Variants in UGT1A10 observed in about 807,000 individuals in gnomAD.
UGT1A10 encodes the protein UDP-glucuronosyltransferase 1A10.
UGT1A10 carries 49 observed loss-of-function variants against 45.8 expected under a neutral mutation model. That is an observed-to-expected ratio of 1.07 (90% CI 0.85 to 1.36). The LOEUF (loss-of-function observed/expected upper bound fraction) is 1.36, where lower values mean the gene tolerates loss of function less well. UGT1A10 is among the 40% of genes most tolerant of loss of function. The probability of loss-of-function intolerance (pLI) is 0.00; values close to 1 mark genes in which losing one functional copy is unlikely to be tolerated. For synonymous variants in UGT1A10, 284 were observed against 249.7 expected (o/e 1.14, Z -1.29); for missense variants, 745 against 668.6 (o/e 1.11, Z -1.26).
At chr2:233,717,988 A>G (rs2076619845) in intron 1 of UGT1A10, 1 of 440,500 alleles carries the variant, frequency 2.3e-6, no homozygotes. Context: ...AGGAATTCAG[A>G]CTGTGCAAGA....
At chr2:233,712,927 G>A (rs1300502786) in intron 1 of UGT1A10, 9 of 1,611,900 alleles carry the variant, frequency 5.6e-6, no homozygotes, top group East Asian at 4.5e-5. Context: ...TAATTAAGAC[G>A]AAGGAAACAA....
chr2:233,755,510 G>C (rs1695945720), intron 1 of UGT1A10: 1 of 163,962 alleles, frequency 6.1e-6, no homozygotes, highest in Non-Finnish European at 1.3e-5. Flanking sequence ...ACCAGGCCCC[G>C]CCCACTCCGG....
chr2:233,689,982 A>T (rs957582254), intron 1 of UGT1A10: 5 of 453,314 alleles, frequency 1.1e-5, no homozygotes, highest in Non-Finnish European at 2.2e-5. Context: ...ACAGGCCCCT[A>T]AAAGGGATTC....
intron 1 of UGT1A10, chr2:233,743,056 A>T: frequency 3.1e-6 from 1 of 325,774 alleles, no homozygotes; most frequent in South Asian, 2.6e-5. Context: ...AGTCCCAACG[A>T]TAAGAACAGG....
chr2:233,711,694 C>A (rs1421464743), intron 1 of UGT1A10, among the ~76,000 whole-genome samples: 1 of 152,196 alleles, frequency 6.6e-6, no homozygotes, highest in Non-Finnish European at 1.5e-5. Context: ...ATGGGGGTAA[C>A]TTCCTCCCTA....
intron 1 of UGT1A10, among the ~76,000 whole-genome samples, chr2:233,712,441 G>A (rs991807443): frequency 3.3e-5 from 5 of 152,138 alleles, no homozygotes; most frequent in African/African-American, 9.7e-5. Context: ...TGTGAAAAAC[G>A]ACCAAAACCA....
intron 1 of UGT1A10, among the ~76,000 whole-genome samples, chr2:233,745,444 A>G (rs1693107566): frequency 6.6e-6 from 1 of 151,758 alleles, no homozygotes; most frequent in Non-Finnish European, 1.5e-5. Flanking sequence ...ATACACTAGT[A>G]AAGGTCACTC....
At chr2:233,760,450 C>T (rs1218272105) in intron 1 of UGT1A10, 1 of 1,614,084 alleles carries the variant, frequency 6.2e-7, no homozygotes, top group East Asian at 2.2e-5. Context: ...GCAGAGGGGA[C>T]ATGAAATAGT....
intron 1 of UGT1A10, among the ~76,000 whole-genome samples, chr2:233,715,929 T>C (rs1446549427): frequency 1.3e-5 from 2 of 152,168 alleles, no homozygotes; most frequent in Non-Finnish European, 2.9e-5. Context: ...CTCAGGAGTT[T>C]CAGCTCTTGT....
chr2:233,678,685 A>T (rs1271461775), intron 1 of UGT1A10, among the ~76,000 whole-genome samples: 2 of 151,930 alleles, frequency 1.3e-5, no homozygotes, highest in African/African-American at 4.8e-5. Flanking sequence ...TGTAAGGCCA[A>T]TTTTTTTTCT....
intron 1 of UGT1A10, among the ~76,000 whole-genome samples, chr2:233,688,855 T>C (rs748777417): frequency 1.3e-5 from 2 of 152,044 alleles, no homozygotes; most frequent in African/African-American, 4.8e-5. Context: ...GAGCTGATCA[T>C]AGGGGGCCTT....
rs536544989 is a variant in UGT1A10 at position 233,747,339 on chromosome 2, C to T, written c.856-19695C>T. 4.1e-5 allele frequency: 65 copies of T among 1,603,348 alleles called. 1 individual carries two copies. The highest frequency in any genetic ancestry group is 5.4e-5 in the African/African-American group (4 of 74,450). ...TACCCATTGATGGCAGCCACTGGCT[C>T]GCATGCGGGAGGCCGTGCGGGAGCT... On this transcript the variant is annotated intron_variant, in intron 1 of 4. Transcript: ENST00000344644.
chr2:233,666,526 A>T (rs909055133), intron 1 of UGT1A10, among the ~76,000 whole-genome samples: 1 of 152,198 alleles, frequency 6.6e-6, no homozygotes, highest in Non-Finnish European at 1.5e-5. Context: ...TTGCTCATTA[A>T]AAAACATTTT....
At chr2:233,713,542 G>A (rs2076328478) in intron 1 of UGT1A10, 3 of 1,613,882 alleles carry the variant, frequency 1.9e-6, no homozygotes, top group African/African-American at 2.7e-5. Flanking sequence ...GACTTTAAGG[G>A]CACACAGTGT....
chr2:233,672,786 T>C, intron 1 of UGT1A10: 1 of 1,613,098 alleles, frequency 6.2e-7, no homozygotes, highest in Non-Finnish European at 8.5e-7. Flanking sequence ...AGCCGTTGCC[T>C]ATGGTAAGTT....
intron 1 of UGT1A10, chr2:233,708,774 A>G (rs2076040935): frequency 6.7e-6 from 1 of 149,962 alleles, no homozygotes; most frequent in South Asian, 2.1e-4. Context: ...CCCCAAATCA[A>G]TGCAACCTGT....
intron 1 of UGT1A10, among the ~76,000 whole-genome samples, chr2:233,644,924 G>A (rs1451226785): frequency 2.0e-5 from 3 of 152,092 alleles, no homozygotes; most frequent in Admixed American, 2.0e-4. Flanking sequence ...TTCTTTTCCA[G>A]TATTGACAAT....
intron 1 of UGT1A10, chr2:233,747,309 G>A: frequency 7.5e-6 from 12 of 1,603,078 alleles, no homozygotes; most frequent in Non-Finnish European, 1.0e-5. Context: ...GGAAGGTGCT[G>A]GTGGTACCCA....
At chr2:233,638,269 G>A (rs2073355961) in intron 1 of UGT1A10, among the ~76,000 whole-genome samples, 2 of 151,768 alleles carry the variant, frequency 1.3e-5, no homozygotes, top group South Asian at 2.1e-4. Context: ...TTATTCCTTG[G>A]CATTTTATTA....
Sources: gnomAD v4.1 joint callset for allele counts (sites outside exome capture counted in the v4.1 genomes callset) on GRCh38, gnomAD v4.1.1 for gene constraint, MANE v1.5 for transcripts, NCBI Gene and HGNC (gene_info 2026-07-23, HGNC 2026-07-21) for gene names.